The following HMGCLL1 variants were observed in gnomAD, a reference collection of about 807,000 sequenced individuals.
The protein encoded by HMGCLL1 is 3-hydroxy-3-methylglutaryl-CoA lyase like 1, also known as 3-hydroxymethyl-3-methylglutaryl-CoA lyase, cytoplasmic.
Under a neutral mutation model 39.1 loss-of-function variants are expected in HMGCLL1, and 36 were observed. The ratio of observed to expected loss-of-function variants is 0.92; its 90% CI spans 0.71 to 1.22. The LOEUF (loss-of-function observed/expected upper bound fraction) is 1.22. Ranked by LOEUF, HMGCLL1 falls within the 50% of genes most tolerant of loss-of-function variation. HMGCLL1 has a pLI of 0.00. For missense variants in HMGCLL1, 451 were observed against 416.5 expected, an observed-to-expected ratio of 1.08 and a Z score of -0.72; for synonymous variants, 149 against 144.0, an observed-to-expected ratio of 1.03 and a Z score of -0.25.
the HMGCLL1 span, among the ~76,000 whole-genome samples, chr6:55,591,185 T>C: frequency 6.6e-6 from 1 of 152,028 alleles, no homozygotes; most frequent in African/African-American, 2.4e-5. Context: ...GAATTTGAAT[T>C]CAGTCTTCTG....
intron 5 of HMGCLL1, among the ~76,000 whole-genome samples, chr6:55,505,187 G>C (rs548684751): frequency 6.6e-6 from 1 of 151,646 alleles, no homozygotes; most frequent in African/African-American, 2.4e-5. Context: ...AGAATCTACA[G>C]TTAGGCCTTA....
At chr6:55,659,314 C>T in the HMGCLL1 span, among the ~76,000 whole-genome samples, 13 of 151,832 alleles carry the variant, frequency 8.6e-5, no homozygotes, top group African/African-American at 1.9e-4. Flanking sequence ...ATATATAACA[C>T]GGGCCCTAAC....
the HMGCLL1 span, among the ~76,000 whole-genome samples, chr6:55,662,798 A>C: frequency 6.6e-6 from 1 of 151,780 alleles, no homozygotes; most frequent in Non-Finnish European, 1.5e-5. Context: ...TTTGGCTGTG[A>C]ATCCATCTGA....
At chr6:55,495,875 T>G (rs1766550005) in intron 6 of HMGCLL1, among the ~76,000 whole-genome samples, 1 of 152,166 alleles carries the variant, frequency 6.6e-6, no homozygotes, top group Non-Finnish European at 1.5e-5. Flanking sequence ...CAGCTATTTG[T>G]TCTACTATGA....
the HMGCLL1 span, among the ~76,000 whole-genome samples, chr6:55,626,857 C>G: frequency 6.6e-6 from 1 of 151,856 alleles, no homozygotes; most frequent in Non-Finnish European, 1.5e-5. Flanking sequence ...CCTGGACTAT[C>G]AAGATGAAAT....
chr6:55,578,341 T>C (rs756469026), intron 1 of HMGCLL1, among the ~76,000 whole-genome samples: 9 of 152,200 alleles, frequency 5.9e-5, no homozygotes, highest in Non-Finnish European at 8.8e-5. Flanking sequence ...CATAAGTATA[T>C]GAATAATATT....
chr6:55,584,621 C>T, the HMGCLL1 span, among the ~76,000 whole-genome samples: 1 of 151,976 alleles, frequency 6.6e-6, no homozygotes, highest in African/African-American at 2.4e-5. Flanking sequence ...CCAATTGTCT[C>T]GAGTGGGAAG....
the HMGCLL1 span, among the ~76,000 whole-genome samples, chr6:55,593,458 G>T: frequency 6.6e-6 from 1 of 152,186 alleles, no homozygotes; most frequent in African/African-American, 2.4e-5. Flanking sequence ...AACTGCGTGT[G>T]GGAGAAGTGA....
the HMGCLL1 span, among the ~76,000 whole-genome samples, chr6:55,620,061 T>C: frequency 6.6e-6 from 1 of 152,178 alleles, no homozygotes; most frequent in Non-Finnish European, 1.5e-5. Context: ...TATAAGTACC[T>C]CCTTTTTTTA....
chr6:55,453,180 GGTTTT>G (rs1024116278), intron 7 of HMGCLL1, among the ~76,000 whole-genome samples: 5 of 151,988 alleles, frequency 3.3e-5, no homozygotes, highest in Non-Finnish European at 7.4e-5. Context: ...GTTTGTTGTT[GGTTTT>G]GTTTTGTTTT....
Position 55,447,975 on chromosome 6 carries a change from G to A in HMGCLL1, c.796-8416C>T, listed in dbSNP as rs188777477. On this transcript the variant is annotated intron_variant, in intron 7 of 8. Transcript: ENST00000274901. ...CCATATAACAACTCCAGGAGGCAGG[G>A]TGTGAATTAGAAGAAGAACATCGAC... Among the ~76,000 whole-genome samples the A allele has an allele frequency of 1.1e-3, 170 of 152,266 alleles. 2 individuals are homozygous for A. Among genetic ancestry groups the A allele is most frequent in the Non-Finnish European group, 2.0e-3 (138 of 67,994 alleles).
At chr6:55,673,072 C>A in the HMGCLL1 span, among the ~76,000 whole-genome samples, 2 of 151,932 alleles carry the variant, frequency 1.3e-5, no homozygotes, top group Admixed American at 1.3e-4. Context: ...CAGCTGATAC[C>A]TATGCAACCT....
chr6:55,589,231 G>A, the HMGCLL1 span, among the ~76,000 whole-genome samples: 7 of 152,258 alleles, frequency 4.6e-5, no homozygotes, highest in South Asian at 1.5e-3. Flanking sequence ...TCATCCCTGG[G>A]ATGCAAGGCT....
intron 1 of HMGCLL1, among the ~76,000 whole-genome samples, chr6:55,578,417 G>C (rs1272545113): frequency 6.6e-6 from 1 of 152,126 alleles, no homozygotes; most frequent in Non-Finnish European, 1.5e-5. Flanking sequence ...GTCTGAAATT[G>C]CTGTTATTTA....
intron 3 of HMGCLL1, among the ~76,000 whole-genome samples, chr6:55,538,240 T>C (rs989933900): frequency 6.6e-6 from 1 of 152,174 alleles, no homozygotes; most frequent in African/African-American, 2.4e-5. Context: ...AAAAAGAATT[T>C]CAAAGAGGGC....
At chr6:55,589,333 C>T in the HMGCLL1 span, among the ~76,000 whole-genome samples, 1 of 152,090 alleles carries the variant, frequency 6.6e-6, no homozygotes, top group Admixed American at 6.6e-5. Flanking sequence ...GCAGAAAAGG[C>T]CTTTGACAAA....
At chr6:55,452,051 C>A (rs1021150696) in intron 7 of HMGCLL1, among the ~76,000 whole-genome samples, 1 of 151,980 alleles carries the variant, frequency 6.6e-6, no homozygotes, top group African/African-American at 2.4e-5. Flanking sequence ...GAGTATGGCA[C>A]AATACTGTAT....
chr6:55,672,122 G>C, the HMGCLL1 span, among the ~76,000 whole-genome samples: 1 of 151,526 alleles, frequency 6.6e-6, no homozygotes, highest in Admixed American at 6.6e-5. Context: ...TAATTCTTGA[G>C]AATGCATTAT....
At chr6:55,479,415 A>G (rs565910080) in intron 7 of HMGCLL1, among the ~76,000 whole-genome samples, 1 of 151,674 alleles carries the variant, frequency 6.6e-6, no homozygotes, top group Non-Finnish European at 1.5e-5. Flanking sequence ...ATCTGAAACT[A>G]TGGGATGTGG....
Sources: allele counts gnomAD v4.1 joint callset (sites outside exome capture counted in the v4.1 genomes callset), GRCh38; gene constraint gnomAD v4.1.1; transcripts MANE v1.5; gene names NCBI Gene and HGNC (gene_info 2026-07-23, HGNC 2026-07-21).